The following LRP1B variants were observed in gnomAD, a reference collection of about 807,000 sequenced individuals.
The protein encoded by LRP1B is LDL receptor related protein 1B.
A neutral mutation model predicts 556.6 loss-of-function variants in LRP1B; 217 were observed. The ratio of observed to expected loss-of-function variants is 0.39; its 90% CI spans 0.35 to 0.44. The LOEUF is 0.44. Among genes scored for constraint, LRP1B ranks in the 20% least tolerant of loss-of-function variants. The probability of loss-of-function intolerance (pLI) is 1.00; values close to 1 mark genes in which losing one functional copy is unlikely to be tolerated. For missense variants in LRP1B, 5,053 were observed against 5,620.8 expected, an observed-to-expected ratio of 0.90 and a Z score of 3.23; for synonymous variants, 2,047 against 1,865.8, an observed-to-expected ratio of 1.10 and a Z score of -2.50.
At chr2:141,316,196 C>G (rs1256334878) in intron 3 of LRP1B, among the ~76,000 whole-genome samples, 1 of 151,912 alleles carries the variant, frequency 6.6e-6, no homozygotes, top group African/African-American at 2.4e-5. Flanking sequence ...AGATTCTTTT[C>G]CTTTTAAAGT....
At chr2:141,615,511 C>T (rs1688263358) in intron 2 of LRP1B, among the ~76,000 whole-genome samples, 1 of 151,792 alleles carries the variant, frequency 6.6e-6, no homozygotes, top group South Asian at 2.1e-4. Flanking sequence ...TACATTTAGC[C>T]CACCAATTTT....
intron 51 of LRP1B, among the ~76,000 whole-genome samples, chr2:140,510,301 T>C (rs1480101853): frequency 6.6e-6 from 1 of 152,208 alleles, no homozygotes; most frequent in Non-Finnish European, 1.5e-5. Context: ...GAAAATAATG[T>C]ACTTTATCCT....
At chr2:141,931,037 A>G (rs969631608) in intron 1 of LRP1B, among the ~76,000 whole-genome samples, 3 of 152,028 alleles carry the variant, frequency 2.0e-5, no homozygotes, top group Admixed American at 6.6e-5. Context: ...ACCAATACAC[A>G]TGAATAAACA....
chr2:142,083,460 A>G lies in LRP1B; in HGVS notation c.82+47188T>C, dbSNP rs924811432. Among the ~76,000 whole-genome samples the G allele has an allele frequency of 6.2e-4, 95 of 152,194 alleles. 1 individual carries two copies. Among genetic ancestry groups the G allele is most frequent in the South Asian group, 1.0e-3 (5 of 4,834 alleles). ...CTTTTGGAGGAATGCAGAATGTTTTATTGTGCTTAATAAACATCCCATAAT... is the reference window on the plus strand; with the variant it reads ...CTTTTGGAGGAATGCAGAATGTTTTGTTGTGCTTAATAAACATCCCATAAT... On this transcript the variant is annotated intron_variant, in intron 1 of 90. Coordinates refer to ENST00000389484, the MANE Select transcript of LRP1B (RefSeq NM_018557.3).
intron 2 of LRP1B, among the ~76,000 whole-genome samples, chr2:141,658,632 G>A (rs147617070): frequency 6.6e-6 from 1 of 152,290 alleles, no homozygotes; most frequent in East Asian, 1.9e-4. Flanking sequence ...GAACTGCCCA[G>A]TCAATCCACA....
intron 1 of LRP1B, among the ~76,000 whole-genome samples, chr2:142,044,926 C>T (rs1574627608): frequency 6.6e-6 from 1 of 151,832 alleles, no homozygotes; most frequent in East Asian, 2.0e-4. Context: ...CTGAGAGTAG[C>T]TGGATGGAGC....
intron 2 of LRP1B, among the ~76,000 whole-genome samples, chr2:141,489,545 T>C (rs1403859204): frequency 3.9e-5 from 6 of 151,914 alleles, no homozygotes. Context: ...GGAAAATTAG[T>C]ATATAATATA....
intron 1 of LRP1B, among the ~76,000 whole-genome samples, chr2:141,811,311 T>C (rs1696346785): frequency 6.6e-6 from 1 of 151,998 alleles, no homozygotes; most frequent in African/African-American, 2.4e-5. Context: ...TATATAAAAA[T>C]AACTCAAGAT....
At chr2:141,559,166 A>G (rs762521336) in intron 2 of LRP1B, among the ~76,000 whole-genome samples, 10 of 151,618 alleles carry the variant, frequency 6.6e-5, no homozygotes, top group Non-Finnish European at 1.5e-4. Flanking sequence ...ATTATTCTCC[A>G]TCACTATTAT....
At position 140,314,942 on chromosome 2, in the gene LRP1B, T is replaced by G. The variant is rs777579107; in HGVS notation, c.12798A>C (p.Ser4266=). Residue 4266 remains serine (S), a synonymous_variant, in exon 83 of 91, where the codon TCA becomes TCC. Transcript: ENST00000389484. ...TGACAATGAAATATTTACCTAGAACTGATGGTACGCAAGTTCCTCCATTCT... is the reference window on the plus strand; with the variant it reads ...TGACAATGAAATATTTACCTAGAACGGATGGTACGCAAGTTCCTCCATTCT... ...YCQNGGTCVP[S]VLGRPTCSCA... The G allele has an allele frequency of 6.2e-7, 1 of 1,602,260 alleles. No homozygotes were observed. Among genetic ancestry groups the G allele is most frequent in the Non-Finnish European group, 8.5e-7 (1 of 1,174,558 alleles).
At position 140,807,458 on chromosome 2, in the gene LRP1B, A is replaced by G. The variant is rs547498574; in HGVS notation, c.5359+6199T>C. Among the ~76,000 whole-genome samples, 6 of 151,440 alleles carry G rather than the reference A, an allele frequency of 4.0e-5. No individual in the cohort carries two copies. The South Asian group carries it at 8.4e-4, about 21-fold the overall frequency. The stretch of plus-strand genomic sequence containing the variant: ...CGGGTTCAAGCGATTCTCCTGCCTC[A>G]GCCTACTGAGTAGCTGGGATTACAG... On this transcript the variant is annotated intron_variant, in intron 32 of 90. Transcript: ENST00000389484.
In LRP1B at chr2:140,903,809, TAAAAA is replaced by T. The variant is rs5834788; in HGVS notation, c.3521-649_3521-645del. 4.2e-5 allele frequency among the ~76,000 whole-genome samples: 5 copies of T among 118,730 alleles called. 1 individual carries two copies. In the East Asian group the frequency reaches 6.9e-4, roughly 16 times the overall value. The allele number at this position is 118,730 out of a possible 152,430, so 77.9% of individuals were successfully genotyped here. On this transcript the variant is annotated intron_variant, in intron 22 of 90. Transcript: ENST00000389484. ...CATGGAAACATCATAAGCAAAACAC[TAAAAA>T]AAAAAAAAAAAGTTGTCCTGGTATT...
intron 1 of LRP1B, among the ~76,000 whole-genome samples, chr2:141,820,922 G>A (rs549151755): frequency 1.1e-3 from 170 of 152,338 alleles, no homozygotes; most frequent in Non-Finnish European, 2.0e-3. Context: ...AATGGACTTT[G>A]CAGATGTGAT....
intron 1 of LRP1B, among the ~76,000 whole-genome samples, chr2:142,116,533 G>A (rs1707282707): frequency 1.3e-5 from 2 of 152,056 alleles, no homozygotes; most frequent in Non-Finnish European, 2.9e-5. Flanking sequence ...TGGATATTGG[G>A]ATAGAAGGTC....
intron 41 of LRP1B, among the ~76,000 whole-genome samples, chr2:140,689,030 A>G (rs551468847): frequency 2.0e-5 from 3 of 152,370 alleles, no homozygotes; most frequent in Non-Finnish European, 2.9e-5. Flanking sequence ...AATTGATATC[A>G]TCTAATCTTT....
chr2:141,032,866 G>A (rs1698417663), intron 11 of LRP1B, among the ~76,000 whole-genome samples: 1 of 111,508 alleles, frequency 9.0e-6, no homozygotes, highest in South Asian at 3.1e-4. Flanking sequence ...TGTGTGTTTT[G>A]CGTTGCATTG....
At chr2:141,633,281 T>G (rs1688979059) in intron 2 of LRP1B, among the ~76,000 whole-genome samples, 1 of 152,150 alleles carries the variant, frequency 6.6e-6, no homozygotes, top group Non-Finnish European at 1.5e-5. Flanking sequence ...GTGTATTCCA[T>G]TCACATCCAT....
intron 18 of LRP1B, among the ~76,000 whole-genome samples, chr2:140,977,485 A>G (rs962050296): frequency 1.3e-5 from 2 of 152,202 alleles, no homozygotes. Context: ...TTAATTTTGC[A>G]TATATAGACA....
At chr2:140,384,060 G>A (rs999447884) in intron 67 of LRP1B, among the ~76,000 whole-genome samples, 5 of 152,054 alleles carry the variant, frequency 3.3e-5, no homozygotes, top group Admixed American at 3.3e-4. Flanking sequence ...AGAAGCAGGC[G>A]AGCCCTTCCT....
Sources: gnomAD v4.1 joint callset for allele counts (sites outside exome capture counted in the v4.1 genomes callset) on GRCh38, gnomAD v4.1.1 for gene constraint, MANE v1.5 for transcripts, NCBI Gene and HGNC (gene_info 2026-07-23, HGNC 2026-07-21) for gene names.